The following RPAP1 variants were observed in gnomAD, a reference collection of about 807,000 sequenced individuals.
The protein encoded by RPAP1 is RNA polymerase II-associated protein 1.
In RPAP1, 109 loss-of-function variants were observed where a neutral mutation model predicts 142.4. That is an observed-to-expected ratio of 0.77 (90% CI 0.66 to 0.90). The LOEUF is 0.90. RPAP1 is among the 40% of genes least tolerant of loss of function. The probability of loss-of-function intolerance (pLI) is 0.00; values close to 1 mark genes in which losing one functional copy is unlikely to be tolerated. For synonymous variants in RPAP1, 704 were observed against 738.9 expected (o/e 0.95, Z 0.77); for missense variants, 1,546 against 1,751.7 (o/e 0.88, Z 2.10).
chr15:41,521,595 G>T, intron 21 of RPAP1, 143 bp downstream of exon 21: 1 of 882,892 alleles, frequency 1.1e-6, no homozygotes, highest in Non-Finnish European at 1.7e-6. Context: ...TCACTAATGA[G>T]GTAATGGAAG....
intron 14 of RPAP1, among the ~76,000 whole-genome samples, chr15:41,526,043 G>A (rs1012552925): frequency 2.0e-5 from 3 of 151,824 alleles, no homozygotes; most frequent in Non-Finnish European, 4.4e-5. Flanking sequence ...TCCATCTCCC[G>A]GGTTCAAGCA....
intron 14 of RPAP1, 40 bp downstream of exon 14, chr15:41,526,858 C>T (rs777452695): frequency 5.1e-6 from 8 of 1,562,844 alleles, no homozygotes; most frequent in Non-Finnish European, 7.0e-6. Context: ...CCAACCCTGT[C>T]CCATGCATTC....
intron 11 of RPAP1, 86 bp from the exon 12 acceptor site, chr15:41,527,691 C>T (rs930705786): frequency 2.7e-6 from 4 of 1,484,142 alleles, no homozygotes; most frequent in East Asian, 2.4e-5. Flanking sequence ...CCAATAAAAA[C>T]CATAAAGGCA....
rs760921581 is a variant in RPAP1, at chr15:41,525,076, G to A, written c.1990C>T (p.Pro664Ser). 7.4e-6 allele frequency: 12 copies of A among 1,613,928 alleles called. No homozygotes were observed. Among genetic ancestry groups the A allele is most frequent in the Middle Eastern group, 1.6e-4 (1 of 6,082 alleles). ...AEAPQELALP[P>S]EEAEMLSTEA... is the part of the protein sequence containing the mutation. ...GTGCTCAGCATCTCAGCTTCCTCTGGGGGCAAGGCCAGTTCTTGGGGAGCC... is the reference window on the plus strand; with the variant it reads ...GTGCTCAGCATCTCAGCTTCCTCTGAGGGCAAGGCCAGTTCTTGGGGAGCC... Residue 664 changes from proline (P) to serine (S), a missense_variant, in exon 15 of 25, where the codon CCA (proline) becomes TCA (serine). Physicochemically the swap from Pro to Ser is moderately conservative, Grantham distance 74 (BLOSUM62 -1). Coordinates refer to ENST00000304330, the MANE Select transcript of RPAP1 (RefSeq NM_015540.4).
Position 41,529,928 on chromosome 15 carries a change from A to G in RPAP1, c.995T>C (p.Val332Ala). The change falls in exon 8 of 25, where the codon GTC becomes GCC. Residue 332 changes from valine to alanine, a missense_variant. Around this residue, in one of 3 missense-constraint regions of RPAP1, gnomAD observed 1,333 missense variants for 1,486.6 expected, o/e 0.90. Coordinates refer to ENST00000304330, the MANE Select transcript of RPAP1 (RefSeq NM_015540.4). Reference sequence around the variant, plus strand: ...GGTCCAGTGGAGCTTCTCCAGCTCGACAGTGTCCATGTGCAGCCATTCTTT... The same window carrying G: ...GGTCCAGTGGAGCTTCTCCAGCTCGGCAGTGTCCATGTGCAGCCATTCTTT... The part of the protein sequence containing the change: ...PQKEWLHMDT[V>A]ELEKLHWTQD... The G allele has an allele frequency of 1.9e-6, 3 of 1,614,100 alleles. No individual in the cohort carries two copies. Among genetic ancestry groups the G allele is most frequent in the Non-Finnish European group, 2.5e-6 (3 of 1,179,988 alleles).
intron 5 of RPAP1, 78 bp from the exon 6 acceptor site, chr15:41,535,013 G>A: frequency 2.2e-6 from 3 of 1,379,750 alleles, no homozygotes; most frequent in Non-Finnish European, 3.0e-6. Context: ...CTTCTATAAG[G>A]CTATTAGCCC....
rs372649317 is a variant in RPAP1 at position 41,534,262 on chromosome 15, A to G, written c.763+452T>C. On this transcript the variant is annotated intron_variant, in intron 6 of 24. Coordinates refer to ENST00000304330, the MANE Select transcript of RPAP1 (RefSeq NM_015540.4). ...GAGAAACCCTACCTCTACTAAAAAT[A>G]AAAAAATTAGCTGGGCGTGGTGGCA... 5.3e-5 allele frequency among the ~76,000 whole-genome samples: 8 copies of G among 151,966 alleles called. No individual in the cohort carries two copies. The East Asian group carries it at 7.8e-4, about 15-fold the overall frequency.
In RPAP1 at chr15:41,522,120, G is replaced by A. The variant is rs922110223; in HGVS notation, c.2873C>T (p.Ala958Val). Residue 958 changes from alanine (A) to valine (V), a missense_variant, in exon 20 of 25, where the codon GCA becomes GTA. Ala to Val is a moderately conservative substitution (Grantham distance 64). Transcript: ENST00000304330. ...TACCGCTTTCTGGGCCAGAGCGAGT[G>A]CCAGGTACTGCAGGTGGTACTCATG... ...LRHEYHLQYLALALAQKAAAL... is the reference protein window; with the variant it reads ...LRHEYHLQYLVLALAQKAAAL... 11 of 1,613,776 alleles carry A rather than the reference G, an allele frequency of 6.8e-6. No homozygotes were observed. Among genetic ancestry groups the A allele is most frequent in the Non-Finnish European group, 9.3e-6 (11 of 1,179,974 alleles).
rs2051815578 is a variant in RPAP1, at chr15:41,528,259, A to G, written c.1236T>C (p.His412=). Residue 412 remains histidine (H), a synonymous_variant, in exon 10 of 25, where the codon CAT becomes CAC. Transcript: ENST00000304330. ...QVSQQRALAL[H]VLAQVISRAQ... ...CCCTGCTGATGACCTGGGCTAACAC[A>G]TGCAGTGCCAGTGCTCTCTGCTGGG... 6.2e-7 allele frequency: 1 copy of G among 1,608,600 alleles called. No individual in the cohort carries two copies. Among genetic ancestry groups the G allele is most frequent in the East Asian group, 2.2e-5 (1 of 44,808 alleles).
intron 19 of RPAP1, 146 bp from the exon 20 acceptor site, chr15:41,522,396 T>G (rs2051736348): frequency 1.3e-6 from 1 of 765,956 alleles, no homozygotes. Flanking sequence ...CACTTTCTTT[T>G]TGGTTTTTTT....
At chr15:41,529,630 C>G (rs1021211494) in intron 8 of RPAP1, 62 bp from the exon 9 acceptor site, 1 of 1,211,500 alleles carries the variant, frequency 8.3e-7, no homozygotes, top group Middle Eastern at 1.9e-4. Flanking sequence ...ACACCCACTC[C>G]CCACCTTTAA....
chr15:41,518,884 AACAAAAT>A (rs764432451), intron 22 of RPAP1, among the ~76,000 whole-genome samples: 18 of 152,152 alleles, frequency 1.2e-4, no homozygotes, highest in Non-Finnish European at 2.2e-4. Context: ...AAAAACAAAA[AACAAAAT>A]ACAATAACTT....
chr15:41,534,419 CCCA>C (rs2051886516), intron 6 of RPAP1, among the ~76,000 whole-genome samples: 1 of 145,492 alleles, frequency 6.9e-6, no homozygotes, highest in African/African-American at 2.6e-5. Flanking sequence ...ACTCTGTCCC[CCCA>C]AAAAAAAAAA....
intron 6 of RPAP1, among the ~76,000 whole-genome samples, chr15:41,532,578 C>T (rs2051862791): frequency 6.6e-6 from 1 of 152,068 alleles, no homozygotes; most frequent in Non-Finnish European, 1.5e-5. Context: ...AGAACAGTAT[C>T]ACAGAGTAGA....
chr15:41,518,084 T>C lies in RPAP1; in HGVS notation c.3894A>G (p.Pro1298=), dbSNP rs778223484. The change falls in exon 23 of 25, where the codon CCA becomes CCG. Residue 1298 remains proline (P), a synonymous_variant. Transcript: ENST00000304330. The part of the protein sequence containing the change: ...FRTLVTGALR[P]RWCPVLYAVA... The stretch of plus-strand genomic sequence containing the variant: ...CAGCATAGAGCACGGGGCACCAACG[T>C]GGGCGGAGCGCACCAGTAACCAGGG... The C allele has an allele frequency of 4.8e-5, 78 of 1,610,500 alleles. No homozygotes were observed. Among genetic ancestry groups the C allele is most frequent in the Non-Finnish European group, 6.4e-5 (76 of 1,179,068 alleles).
chr15:41,527,103 G>T (rs373248039), intron 13 of RPAP1, 35 bp from the exon 14 acceptor site: 2 of 1,612,250 alleles, frequency 1.2e-6, no homozygotes, highest in African/African-American at 2.7e-5. Context: ...GAGGAAGGGA[G>T]GCTGTGGGTC....
At chr15:41,528,410 C>T in intron 9 of RPAP1, 74 bp from the exon 10 acceptor site, 1 of 1,018,640 alleles carries the variant, frequency 9.8e-7, no homozygotes, top group South Asian at 1.4e-5. Context: ...CAAGGTATCA[C>T]AGGAAAGACA....
chr15:41,542,259 G>A (rs977488906), intron 1 of RPAP1, among the ~76,000 whole-genome samples: 21 of 152,166 alleles, frequency 1.4e-4, no homozygotes, highest in African/African-American at 4.6e-4. Context: ...GATTGTAAAG[G>A]TCTTCCTTTG....
chr15:41,523,755 G>T lies in RPAP1; in HGVS notation c.2436+16C>A, dbSNP rs753896301. ...GGGTGCGGGGGCCTGGTGGACAGCC[G>T]GCAGGAGGCACTCACTTGCTGGCTC... On this transcript the variant is annotated intron_variant, in intron 17 of 24. Transcript: ENST00000304330. 3.9e-5 allele frequency: 61 copies of T among 1,578,146 alleles called. No individual in the cohort carries two copies. The South Asian group carries it at 7.1e-4, about 18-fold the overall frequency.
Sources: allele counts gnomAD v4.1 joint callset (sites outside exome capture counted in the v4.1 genomes callset), GRCh38; gene constraint gnomAD v4.1.1; regional missense constraint gnomAD v4.1.1; transcripts MANE v1.5; gene names NCBI Gene and HGNC (gene_info 2026-07-23, HGNC 2026-07-21).